The following SLC9A9 variants were observed in gnomAD, a reference collection of about 807,000 sequenced individuals.
SLC9A9 encodes sodium/hydrogen exchanger 9.
A neutral mutation model predicts 77.8 loss-of-function variants in SLC9A9; 62 were observed. That is an observed-to-expected ratio of 0.80 (90% CI 0.65 to 0.98). The LOEUF is 0.98. Ranked by LOEUF, SLC9A9 falls within the 50% of genes least tolerant of loss-of-function variation. SLC9A9 has a pLI of 0.00. For missense variants in SLC9A9, 775 were observed against 774.9 expected (o/e 1.00, Z 0.00); for synonymous variants, 320 against 283.5 (o/e 1.13, Z -1.29).
intron 12 of SLC9A9, among the ~76,000 whole-genome samples, chr3:143,466,485 T>C (rs1257119680): frequency 6.6e-6 from 1 of 152,234 alleles, no homozygotes; most frequent in Non-Finnish European, 1.5e-5. Context: ...GGAGGGCCAC[T>C]GACTGAAGCC....
Position 143,266,836 on chromosome 3 carries a change from G to A in SLC9A9, c.1804C>T (p.Pro602Ser). The change falls in exon 16 of 16, where the codon CCT becomes TCT. Residue 602 changes from proline (P) to serine (S), a missense_variant. By Grantham distance (74) the Pro-to-Ser change is moderately conservative (BLOSUM62 -1). Coordinates refer to ENST00000316549, the MANE Select transcript of SLC9A9 (RefSeq NM_173653.4). ...TTCTGGTCCAGACCTAGCCTTGCAG[G>A]AGGACTGCAGGGTGAGGAGGCTTGC... ...QEQASSPCSP[P>S]ARLGLDQKAS... The A allele has an allele frequency of 1.2e-6, 2 of 1,614,182 alleles. No homozygotes were observed. The highest frequency in any genetic ancestry group is 1.7e-6 in the Non-Finnish European group (2 of 1,180,032).
intron 5 of SLC9A9, among the ~76,000 whole-genome samples, chr3:143,670,390 A>C (rs1425273304): frequency 1.3e-5 from 2 of 152,190 alleles, no homozygotes; most frequent in African/African-American, 2.4e-5. Flanking sequence ...ATGTCAAGAA[A>C]AGTGATCATG....
In SLC9A9 at chr3:143,600,478, TACA is replaced by T. The variant is rs551926926; in HGVS notation, c.756-21758_756-21756del. Among the ~76,000 whole-genome samples, 481 of 152,264 alleles carry T rather than the reference TACA, an allele frequency of 3.2e-3. 4 individuals carry two copies. The highest frequency in any genetic ancestry group is 8.2e-3 in the African/African-American group (341 of 41,542). ...AAGAATTCTATAAGTGTGTGAAAAA[TACA>T]ACAAGTAGAACTCATTAATTTATCA... is the stretch of plus-strand genomic sequence containing the variant. On this transcript the variant is annotated intron_variant, in intron 6 of 15. Transcript: ENST00000316549.
At chr3:143,642,810 G>A (rs1319070586) in intron 6 of SLC9A9, among the ~76,000 whole-genome samples, 1 of 152,050 alleles carries the variant, frequency 6.6e-6, no homozygotes, top group Non-Finnish European at 1.5e-5. Flanking sequence ...GGTTTAATAT[G>A]ACATTTATGT....
intron 2 of SLC9A9, among the ~76,000 whole-genome samples, chr3:143,825,371 T>G (rs2009271957): frequency 2.0e-5 from 3 of 151,202 alleles, no homozygotes; most frequent in South Asian, 4.2e-4. Context: ...AAACTCTGAA[T>G]GATGAAAAAT....
At chr3:143,362,644 A>G (rs1422144451) in intron 14 of SLC9A9, among the ~76,000 whole-genome samples, 1 of 152,094 alleles carries the variant, frequency 6.6e-6, no homozygotes, top group East Asian at 1.9e-4. Flanking sequence ...GGCACTGAAA[A>G]TCATCCACTG....
intron 5 of SLC9A9, among the ~76,000 whole-genome samples, chr3:143,680,873 T>A (rs771974570): frequency 7.9e-5 from 12 of 152,132 alleles, no homozygotes; most frequent in Non-Finnish European, 1.6e-4. Context: ...ATCAATAAGT[T>A]CCCATGCCCT....
chr3:143,613,789 A>G (rs1450785859), intron 6 of SLC9A9, among the ~76,000 whole-genome samples: 1 of 151,908 alleles, frequency 6.6e-6, no homozygotes, highest in Non-Finnish European at 1.5e-5. Flanking sequence ...CCACATTGCA[A>G]TAATTATAAT....
In SLC9A9 at chr3:143,756,730, G is replaced by C. The variant is rs780645778; in HGVS notation, c.533+38271C>G. On this transcript the variant is annotated intron_variant, in intron 4 of 15. Coordinates refer to ENST00000316549, the MANE Select transcript of SLC9A9 (RefSeq NM_173653.4). The stretch of plus-strand genomic sequence containing the variant: ...AACTTCATACAATAAAATATGTTTA[G>C]ACTTCAATATCAGCTCAAGAGATCT... Among the ~76,000 whole-genome samples, 3 of 152,108 alleles carry C rather than the reference G, an allele frequency of 2.0e-5. No homozygotes were observed. In the East Asian group the frequency reaches 5.8e-4, roughly 29 times the overall value.
At chr3:143,537,259 T>C (rs1263293313) in intron 9 of SLC9A9, among the ~76,000 whole-genome samples, 1 of 152,254 alleles carries the variant, frequency 6.6e-6, no homozygotes, top group Non-Finnish European at 1.5e-5. Context: ...ATCCTGGGCA[T>C]GGAGCCCGGG....
At chr3:143,275,984 T>C (rs1938035457) in intron 14 of SLC9A9, among the ~76,000 whole-genome samples, 1 of 152,192 alleles carries the variant, frequency 6.6e-6, no homozygotes, top group Admixed American at 6.5e-5. Context: ...TATGGCGGTT[T>C]GCATGATGAG....
chr3:143,617,362 T>C (rs1437347989), intron 6 of SLC9A9, among the ~76,000 whole-genome samples: 1 of 152,214 alleles, frequency 6.6e-6, no homozygotes. Flanking sequence ...CAAAACCCTA[T>C]GGCCCATAAA....
At chr3:143,751,401 T>C (rs1375503010) in intron 4 of SLC9A9, among the ~76,000 whole-genome samples, 1 of 152,178 alleles carries the variant, frequency 6.6e-6, no homozygotes, top group South Asian at 2.1e-4. Context: ...GAGCTCCCTA[T>C]GGGGATTTCC....
At chr3:143,575,854 T>C (rs937857464) in intron 7 of SLC9A9, among the ~76,000 whole-genome samples, 1 of 152,148 alleles carries the variant, frequency 6.6e-6, no homozygotes, top group African/African-American at 2.4e-5. Flanking sequence ...GGTAGGTGGT[T>C]AGGAAGGTGA....
At position 143,309,609 on chromosome 3, in the gene SLC9A9, T is replaced by C. The variant is rs573740897; in HGVS notation, c.1605-40629A>G. 5.3e-5 allele frequency among the ~76,000 whole-genome samples: 8 copies of C among 152,320 alleles called. No individual in the cohort carries two copies. The South Asian group carries it at 1.7e-3, about 32-fold the overall frequency. The stretch of plus-strand genomic sequence containing the variant: ...GATTTCCAGACCCTTTCTTCTCATG[T>C]TTCTGTACTCTAGGGTGAATTCGCA... On this transcript the variant is annotated intron_variant, in intron 14 of 15. Coordinates refer to ENST00000316549, the MANE Select transcript of SLC9A9 (RefSeq NM_173653.4).
chr3:143,605,223 C>T (rs534411683), intron 6 of SLC9A9, among the ~76,000 whole-genome samples: 65 of 152,188 alleles, frequency 4.3e-4, no homozygotes, highest in Non-Finnish European at 8.7e-4. Flanking sequence ...AGTGCTCAAA[C>T]ATTCAGCAGC....
chr3:143,272,807 G>T (rs1192185907), intron 14 of SLC9A9, among the ~76,000 whole-genome samples: 1 of 152,132 alleles, frequency 6.6e-6, no homozygotes, highest in African/African-American at 2.4e-5. Flanking sequence ...AGCTAGAAAT[G>T]CATTGAGACA....
At position 143,743,237 on chromosome 3, in the gene SLC9A9, GGATGGATAGATA is replaced by G. The variant is rs1331623415; in HGVS notation, c.534-49942_534-49931del. Among the ~76,000 whole-genome samples the G allele has an allele frequency of 8.2e-3, 1,108 of 134,342 alleles. 13 individuals carry two copies. Among genetic ancestry groups the G allele is most frequent in the African/African-American group, 0.024 (837 of 35,050 alleles). The allele number at this position is 134,342 out of a possible 152,430, so 88.1% of individuals were successfully genotyped here. Reference sequence around the variant, plus strand: ...TGGATGGATGGATGGATGGATGGATGGATGGATAGATAGATAGATAGATAGATAGATAGATAG... The same window carrying G: ...TGGATGGATGGATGGATGGATGGATGGATAGATAGATAGATAGATAGATAG... On this transcript the variant is annotated intron_variant, in intron 4 of 15. Coordinates refer to ENST00000316549, the MANE Select transcript of SLC9A9 (RefSeq NM_173653.4).
intron 14 of SLC9A9, among the ~76,000 whole-genome samples, chr3:143,280,105 G>A (rs1446937463): frequency 4.6e-5 from 7 of 152,168 alleles, no homozygotes; most frequent in Non-Finnish European, 1.5e-5. Context: ...ATAGGCATGA[G>A]TCACCAGGGC....
Sources: allele counts gnomAD v4.1 joint callset (sites outside exome capture counted in the v4.1 genomes callset), GRCh38; gene constraint gnomAD v4.1.1; transcripts MANE v1.5; gene names NCBI Gene and HGNC (gene_info 2026-07-23, HGNC 2026-07-21).